Variants in TRDN observed in about 807,000 individuals in gnomAD.
The protein encoded by TRDN is triadin.
In TRDN, 161 loss-of-function variants were observed where a neutral mutation model predicts 149.7. That is an observed-to-expected ratio of 1.08 (90% CI 0.95 to 1.23). The LOEUF (loss-of-function observed/expected upper bound fraction) is 1.23, where lower values mean the gene tolerates loss of function less well. Among genes scored for constraint, TRDN ranks in the 50% most tolerant of loss-of-function variants. TRDN has a pLI of 0.00. For missense variants in TRDN, 896 were observed against 823.5 expected (o/e 1.09, Z -1.08); for synonymous variants, 294 against 250.5 (o/e 1.17, Z -1.64).
intron 1 of TRDN, among the ~76,000 whole-genome samples, chr6:123,582,242 C>G (rs1466502470): frequency 6.6e-6 from 1 of 152,034 alleles, no homozygotes; most frequent in Non-Finnish European, 1.5e-5. Context: ...TGATTGACGG[C>G]TGGTTGAAAA....
chr6:123,448,412 G>A (rs1775533881), intron 10 of TRDN, among the ~76,000 whole-genome samples: 1 of 152,158 alleles, frequency 6.6e-6, no homozygotes, highest in African/African-American at 2.4e-5. Context: ...GTGGGAGTGA[G>A]ACTGGCCCTT....
chr6:123,251,470 A>G (rs1038503997), intron 38 of TRDN, among the ~76,000 whole-genome samples: 1 of 152,024 alleles, frequency 6.6e-6, no homozygotes, highest in African/African-American at 2.4e-5. Flanking sequence ...ATATTGAAAT[A>G]ACATTTGTAT....
At chr6:123,272,850 ACTTAAGACAT>A in intron 29 of TRDN, 104 bp downstream of exon 29, 5 of 798,948 alleles carry the variant, frequency 6.3e-6, no homozygotes, top group Non-Finnish European at 9.7e-6. Context: ...GAAGCTTATG[ACTTAAGACAT>A]GAATTGTCCC....
intron 20 of TRDN, among the ~76,000 whole-genome samples, chr6:123,362,579 A>C (rs542473798): frequency 6.6e-6 from 1 of 152,140 alleles, no homozygotes; most frequent in South Asian, 2.1e-4. Context: ...ACATAGCAAA[A>C]CCCCATCTCT....
intron 21 of TRDN, chr6:123,351,746 T>C: frequency 1.1e-6 from 1 of 918,712 alleles, no homozygotes; most frequent in Non-Finnish European, 1.3e-6. Flanking sequence ...AGAAATCATT[T>C]AGACTTTGTT....
chr6:123,334,284 TACAC>T (rs879268437), intron 22 of TRDN, among the ~76,000 whole-genome samples: 2 of 152,024 alleles, frequency 1.3e-5, no homozygotes, highest in Admixed American at 1.3e-4. Flanking sequence ...TATCCAAACA[TACAC>T]AGACGTGGGG....
intron 23 of TRDN, among the ~76,000 whole-genome samples, chr6:123,318,284 G>T (rs953743869): frequency 3.3e-5 from 5 of 152,066 alleles, no homozygotes; most frequent in African/African-American, 1.2e-4. Context: ...CTAGTGATGA[G>T]AATTATTTTT....
chr6:123,334,897 G>A (rs1008646919), intron 22 of TRDN, among the ~76,000 whole-genome samples: 1 of 151,998 alleles, frequency 6.6e-6, no homozygotes, highest in African/African-American at 2.4e-5. Flanking sequence ...GAATTTGGAT[G>A]TACACATGCA....
chr6:123,598,931 AG>A (rs1784156930), intron 1 of TRDN, among the ~76,000 whole-genome samples: 1 of 152,118 alleles, frequency 6.6e-6, no homozygotes. Context: ...CATATGGCAC[AG>A]GAAATAAAAG....
intron 2 of TRDN, among the ~76,000 whole-genome samples, chr6:123,556,453 G>A (rs558373319): frequency 2.6e-5 from 4 of 152,258 alleles, no homozygotes; most frequent in South Asian, 2.1e-4. Context: ...TAAAAGTTGG[G>A]TTAATAAAAT....
chr6:123,298,117 AT>A (rs1237956554), intron 24 of TRDN, among the ~76,000 whole-genome samples: 1 of 152,072 alleles, frequency 6.6e-6, no homozygotes, highest in African/African-American at 2.4e-5. Context: ...TAAAAACCAG[AT>A]AATATATTGA....
chr6:123,330,812 C>A (rs900360196), intron 23 of TRDN, among the ~76,000 whole-genome samples: 2 of 151,994 alleles, frequency 1.3e-5, no homozygotes, highest in Non-Finnish European at 2.9e-5. Context: ...TCCATGCATC[C>A]TTCATTCCTC....
At position 123,218,578 on chromosome 6, in the gene TRDN, T is replaced by C. The variant is rs1457365870; in HGVS notation, c.*23A>G. ...TCACATTTTTAAAATCTTAAAGCAC[T>C]TGTAAGGGTCATACATGTGTGTTTA... On this transcript the variant is annotated 3_prime_UTR_variant, in exon 41 of 41. Coordinates refer to ENST00000334268, the MANE Select transcript of TRDN (RefSeq NM_006073.4). The C allele has an allele frequency of 2.5e-6, 4 of 1,600,738 alleles. No homozygotes were observed. The East Asian group carries it at 6.7e-5, about 27-fold the overall frequency.
chr6:123,278,490 C>T (rs1316651851), intron 25 of TRDN, 143 bp from the exon 26 acceptor site: 1 of 472,830 alleles, frequency 2.1e-6, no homozygotes, highest in South Asian at 4.3e-5. Flanking sequence ...AAGTTCATGT[C>T]ATATTAACCA....
chr6:123,311,369 C>A (rs1487018140), intron 24 of TRDN, among the ~76,000 whole-genome samples: 1 of 151,956 alleles, frequency 6.6e-6, no homozygotes, highest in Non-Finnish European at 1.5e-5. Context: ...ATGGGGATTA[C>A]AATTTGAGAT....
chr6:123,308,061 G>C (rs968575980), intron 24 of TRDN, among the ~76,000 whole-genome samples: 1 of 151,784 alleles, frequency 6.6e-6, no homozygotes, highest in Non-Finnish European at 1.5e-5. Flanking sequence ...CCATCTTTAT[G>C]TCCATGAGTA....
chr6:123,613,416 AAGAG>A (rs1046480391), intron 1 of TRDN, among the ~76,000 whole-genome samples: 4 of 152,214 alleles, frequency 2.6e-5, no homozygotes, highest in African/African-American at 9.6e-5. Flanking sequence ...TCTTAACAGA[AAGAG>A]AGATGAGCAT....
At chr6:123,443,383 G>A (rs924980440) in intron 10 of TRDN, among the ~76,000 whole-genome samples, 6 of 151,962 alleles carry the variant, frequency 3.9e-5, no homozygotes, top group African/African-American at 1.5e-4. Context: ...ATGGGCAATT[G>A]GAAAGATTAT....
At chr6:123,337,701 C>G in intron 21 of TRDN, 32 bp from the exon 22 acceptor site, 1 of 1,356,772 alleles carries the variant, frequency 7.4e-7, no homozygotes, top group Admixed American at 2.6e-5. Context: ...GAAAAAGTTA[C>G]AAGGAATAAG....
Sources: gnomAD v4.1 joint callset for allele counts (sites outside exome capture counted in the v4.1 genomes callset) on GRCh38, gnomAD v4.1.1 for gene constraint, MANE v1.5 for transcripts, NCBI Gene and HGNC (gene_info 2026-07-23, HGNC 2026-07-21) for gene names.